Variants in EXOSC7 observed in about 807,000 individuals in gnomAD.
The protein encoded by EXOSC7 is exosome complex component RRP42.
A neutral mutation model predicts 34.3 loss-of-function variants in EXOSC7; 25 were observed. The ratio of observed to expected loss-of-function variants is 0.73; its 90% CI spans 0.53 to 1.02. The LOEUF is 1.02. EXOSC7 is among the 50% of genes least tolerant of loss of function. The pLI, the probability that EXOSC7 is intolerant of heterozygous loss-of-function variation, is 0.00. For missense variants in EXOSC7, 370 were observed against 368.5 expected, an observed-to-expected ratio of 1.00 and a Z score of -0.03; for synonymous variants, 130 against 143.0, an observed-to-expected ratio of 0.91 and a Z score of 0.65.
chr3:45,009,056 T>C (rs1266568345), intron 7 of EXOSC7, among the ~76,000 whole-genome samples: 2 of 152,194 alleles, frequency 1.3e-5, no homozygotes, highest in East Asian at 3.8e-4. Flanking sequence ...TCATAAATAC[T>C]GGAGCTAGGA....
chr3:44,984,487 A>C (rs1053934556), intron 1 of EXOSC7, among the ~76,000 whole-genome samples: 4 of 151,308 alleles, frequency 2.6e-5, no homozygotes, highest in Non-Finnish European at 5.9e-5. Context: ...AAAAAGGAAG[A>C]AGCAGCAGTA....
At chr3:45,001,469 C>A (rs936722579) in intron 4 of EXOSC7, 69 bp from the exon 5 acceptor site, 2 of 1,123,412 alleles carry the variant, frequency 1.8e-6, no homozygotes, top group Non-Finnish European at 2.7e-6. Flanking sequence ...TGTCCTTTAA[C>A]TGGGGTAATA....
Position 44,989,786 on chromosome 3 carries a change from A to G in EXOSC7, c.254+142A>G, listed in dbSNP as rs186734690. ...AGCAGGCATTTGCTGACCTCCTCCTATGTGCCAGGTACATAGTCAGGACTC... is the reference window on the plus strand; with the variant it reads ...AGCAGGCATTTGCTGACCTCCTCCTGTGTGCCAGGTACATAGTCAGGACTC... On this transcript the variant is annotated intron_variant, in intron 3 of 7. Transcript: ENST00000265564. The G allele has an allele frequency of 1.1e-4, 69 of 648,290 alleles. No individual in the cohort carries two copies. The Admixed American group carries it at 1.7e-3, about 16-fold the overall frequency. 40.2% of individuals were successfully genotyped at this position (648,290 alleles called of 1,614,324 possible).
chr3:44,999,888 G>A (rs1345512453), intron 4 of EXOSC7, among the ~76,000 whole-genome samples: 25 of 152,196 alleles, frequency 1.6e-4, no homozygotes, highest in Admixed American at 1.6e-3. Flanking sequence ...CTTGAAGCAA[G>A]ATAGTAGAAA....
intron 5 of EXOSC7, 83 bp from the exon 6 acceptor site, chr3:45,005,208 G>T: frequency 6.7e-7 from 1 of 1,484,992 alleles, no homozygotes; most frequent in South Asian, 1.2e-5. Flanking sequence ...GAGACACAGG[G>T]ATTCCAACTC....
intron 3 of EXOSC7, among the ~76,000 whole-genome samples, chr3:44,994,856 GGTGTGTGTGTGT>G (rs34579096): frequency 0.021 from 2,814 of 134,866 alleles, 67 homozygotes; most frequent in African/African-American, 0.056. Context: ...TGGAAGAATG[GGTGTGTGTGTGT>G]GTGTGTGTGT....
chr3:44,989,940 T>C lies in EXOSC7; in HGVS notation c.254+296T>C, dbSNP rs537189541. On this transcript the variant is annotated intron_variant, in intron 3 of 7. Coordinates refer to ENST00000265564, the MANE Select transcript of EXOSC7 (RefSeq NM_015004.4). Reference sequence around the variant, plus strand: ...TGATGAGGGTCAAATGAAATGATTGTGTTATGGTGCTTTGAAAAATATACA... The same window carrying C: ...TGATGAGGGTCAAATGAAATGATTGCGTTATGGTGCTTTGAAAAATATACA... Among the ~76,000 whole-genome samples the C allele has an allele frequency of 1.1e-4, 17 of 152,298 alleles. No homozygotes were observed. The East Asian group carries it at 3.1e-3, about 28-fold the overall frequency.
intron 6 of EXOSC7, among the ~76,000 whole-genome samples, chr3:45,006,404 G>GTTTTTTTT (rs545281987): frequency 5.5e-3 from 341 of 61,702 alleles, no homozygotes; most frequent in Non-Finnish European, 7.2e-3. Context: ...TTGTTTATTT[G>GTTTTTTTT]TTTTTTTTTT....
At position 45,007,581 on chromosome 3, in the gene EXOSC7, G is replaced by T. The variant is rs145650051; in HGVS notation, c.771+6G>T. 1 of 1,598,732 alleles carries T rather than the reference G, an allele frequency of 6.3e-7. No individual in the cohort carries two copies. The highest frequency in any genetic ancestry group is 1.7e-5 in the Admixed American group (1 of 58,942). On this transcript the variant is annotated splice_donor_region_variant and intron_variant, in intron 7 of 7. Coordinates refer to ENST00000265564, the MANE Select transcript of EXOSC7 (RefSeq NM_015004.4). Reference sequence around the variant, plus strand: ...GCATCTTCGAGATGATGGAGGTGAGGCCTTAGTTCTGAGGAAGGTGCAGGG... The same window carrying T: ...GCATCTTCGAGATGATGGAGGTGAGTCCTTAGTTCTGAGGAAGGTGCAGGG...
At chr3:44,996,255 G>A (rs1225806924) in intron 3 of EXOSC7, among the ~76,000 whole-genome samples, 2 of 151,902 alleles carry the variant, frequency 1.3e-5, no homozygotes, top group African/African-American at 4.8e-5. Flanking sequence ...TTACTAGAAT[G>A]TTACTTACCT....
At chr3:45,007,647 T>A in intron 7 of EXOSC7, 72 bp downstream of exon 7, 1 of 1,426,482 alleles carries the variant, frequency 7.0e-7, no homozygotes, top group Non-Finnish European at 9.4e-7. Flanking sequence ...CCCTTGGTCA[T>A]ACCGTGGGGA....
At chr3:45,008,198 C>T (rs1240226090) in intron 7 of EXOSC7, among the ~76,000 whole-genome samples, 1 of 152,206 alleles carries the variant, frequency 6.6e-6, no homozygotes, top group African/African-American at 2.4e-5. Flanking sequence ...GGGACAGGGT[C>T]CTGCTCACCT....
At chr3:44,998,031 G>GTTTTTTTTTT (rs200353427) in intron 4 of EXOSC7, among the ~76,000 whole-genome samples, 1 of 142,778 alleles carries the variant, frequency 7.0e-6, no homozygotes, top group Non-Finnish European at 1.5e-5. Flanking sequence ...ATTTTTTTTT[G>GTTTTTTTTTT]TTTTTTTGTT....
chr3:44,999,758 A>G (rs1277571640), intron 4 of EXOSC7, among the ~76,000 whole-genome samples: 1 of 152,140 alleles, frequency 6.6e-6, no homozygotes, highest in Non-Finnish European at 1.5e-5. Flanking sequence ...TGAAAATTGT[A>G]TTATTGATGA....
Position 45,007,512 on chromosome 3 carries a change from G to GA in EXOSC7, c.709dup (p.Thr237AsnfsTer73). On this transcript the variant is annotated frameshift_variant, in exon 7 of 8. Coordinates refer to ENST00000265564, the MANE Select transcript of EXOSC7 (RefSeq NM_015004.4). LOFTEE classifies it high-confidence loss of function. Reference sequence around the variant, plus strand: ...TGTCGGTGACCAGCAAGGGAGTTGTGACGTGCATGAGGAAAGTGGGGAAGG... The same window carrying GA: ...TGTCGGTGACCAGCAAGGGAGTTGTGAACGTGCATGAGGAAAGTGGGGAAGG... The GA allele has an allele frequency of 6.2e-7, 1 of 1,614,058 alleles. No homozygotes were observed. Among genetic ancestry groups the GA allele is most frequent in the South Asian group, 1.1e-5 (1 of 91,072 alleles).
At chr3:45,001,429 C>T (rs925335696) in intron 4 of EXOSC7, 109 bp from the exon 5 acceptor site, 70 of 809,054 alleles carry the variant, frequency 8.7e-5, no homozygotes, top group Middle Eastern at 2.6e-4. Context: ...AGTGACAGAG[C>T]GAGACTCTGT....
chr3:45,001,394 G>T (rs1706874410), intron 4 of EXOSC7, 144 bp from the exon 5 acceptor site: 1 of 650,590 alleles, frequency 1.5e-6, no homozygotes, highest in Non-Finnish European at 2.7e-6. Flanking sequence ...AGTTAGCCAA[G>T]ATTGCACCAC....
rs545281987 is a variant in EXOSC7, at chr3:45,006,404, G to GTT, written c.616-994_616-993dup. ...GCTTGTTCTTTCTTGTTGTTTATTT[G>GTT]TTTTTTTTTTTTTTTTTTTTTTTGA... On this transcript the variant is annotated intron_variant, in intron 6 of 7. Coordinates refer to ENST00000265564, the MANE Select transcript of EXOSC7 (RefSeq NM_015004.4). Among the ~76,000 whole-genome samples the GTT allele has an allele frequency of 4.6e-3, 282 of 61,730 alleles. 1 individual carries two copies. Among genetic ancestry groups the GTT allele is most frequent in the Non-Finnish European group, 5.9e-3 (201 of 34,220 alleles). 40.5% of individuals were successfully genotyped at this position (61,730 alleles called of 152,430 possible). A position where few individuals can be genotyped will look rare whatever the true frequency, so the allele number is the denominator to read the frequency against.
At chr3:44,997,351 C>G in intron 4 of EXOSC7, 99 bp downstream of exon 4, 1 of 1,129,780 alleles carries the variant, frequency 8.9e-7, no homozygotes, top group Non-Finnish European at 1.3e-6. Context: ...CAGGTGGATG[C>G]TTTCAACTTA....
Sources: gnomAD v4.1 joint callset for allele counts (sites outside exome capture counted in the v4.1 genomes callset) on GRCh38, gnomAD v4.1.1 for gene constraint, MANE v1.5 for transcripts, NCBI Gene and HGNC (gene_info 2026-07-23, HGNC 2026-07-21) for gene names.